The following RFX7 variants were observed in gnomAD, a reference collection of about 807,000 sequenced individuals.
RFX7 encodes regulatory factor X7.
A neutral mutation model predicts 111.8 loss-of-function variants in RFX7; 26 were observed. That is an observed-to-expected ratio of 0.23 (90% CI 0.17 to 0.32). The LOEUF (loss-of-function observed/expected upper bound fraction) is 0.32, where lower values mean the gene tolerates loss of function less well. Among genes scored for constraint, RFX7 ranks in the 10% least tolerant of loss-of-function variants. The pLI, the probability that RFX7 is intolerant of heterozygous loss-of-function variation, is 1.00. For synonymous variants in RFX7, 624 were observed against 624.4 expected (o/e 1.00, Z 0.01); for missense variants, 1,573 against 1,772.9 (o/e 0.89, Z 2.02).
chr15:56,120,597 C>T (rs761481957), intron 5 of RFX7, among the ~76,000 whole-genome samples: 1 of 152,122 alleles, frequency 6.6e-6, no homozygotes, highest in Non-Finnish European at 1.5e-5. Context: ...TCAGTTTTTC[C>T]TCTTTCAGTA....
chr15:56,163,920 T>A (rs2042753801), intron 3 of RFX7, among the ~76,000 whole-genome samples: 1 of 152,138 alleles, frequency 6.6e-6, no homozygotes, highest in South Asian at 2.1e-4. Context: ...ATAATAACCT[T>A]GCCCCCAAAT....
rs189392794 is a variant in RFX7, at chr15:56,182,359, C to T, written c.162-3056G>A. On this transcript the variant is annotated intron_variant, in intron 2 of 9. Coordinates refer to ENST00000559447, the MANE Select transcript of RFX7 (RefSeq NM_022841.7). ...AGATGAGGGCCCTGGAATCACTTAA[C>T]TTAGCCCCTTGATTATTTTTACTTT... Among the ~76,000 whole-genome samples, 268 of 152,194 alleles carry T rather than the reference C, an allele frequency of 1.8e-3. 1 individual carries two copies. Among genetic ancestry groups the T allele is most frequent in the African/African-American group, 6.3e-3 (260 of 41,532 alleles).
At chr15:56,124,356 AG>A (rs2042115453) in intron 5 of RFX7, among the ~76,000 whole-genome samples, 1 of 151,360 alleles carries the variant, frequency 6.6e-6, no homozygotes, top group Admixed American at 6.6e-5. Context: ...CAGGAGGCGG[AG>A]CTTGCAGTGA....
chr15:56,204,899 A>C (rs1232366083), intron 2 of RFX7, among the ~76,000 whole-genome samples: 1 of 152,234 alleles, frequency 6.6e-6, no homozygotes, highest in Non-Finnish European at 1.5e-5. Flanking sequence ...ACAAAGTTTA[A>C]AGAAGTAACT....
intron 5 of RFX7, among the ~76,000 whole-genome samples, chr15:56,141,972 A>G (rs531171752): frequency 1.3e-5 from 2 of 152,192 alleles, no homozygotes; most frequent in South Asian, 2.1e-4. Flanking sequence ...AATAATCTCA[A>G]TAAGTACAAT....
intron 2 of RFX7, among the ~76,000 whole-genome samples, chr15:56,217,705 T>C (rs908996682): frequency 2.6e-5 from 4 of 152,214 alleles, no homozygotes; most frequent in African/African-American, 9.6e-5. Flanking sequence ...CTGAAGTGCA[T>C]GATATGTACA....
Position 56,087,294 on chromosome 15 carries a change from G to C in RFX7, c.*6051C>G. Reference sequence around the variant, plus strand: ...CTCAAAATAAATGTGAGTTAAACCAGAAAGACATTTATTTCTCTCATGTAA... The same window carrying C: ...CTCAAAATAAATGTGAGTTAAACCACAAAGACATTTATTTCTCTCATGTAA... On this transcript the variant is annotated 3_prime_UTR_variant, in exon 10 of 10. Coordinates refer to ENST00000559447, the MANE Select transcript of RFX7 (RefSeq NM_022841.7). 1 of 363,888 alleles carries C rather than the reference G, an allele frequency of 2.7e-6. No individual in the cohort carries two copies. Among genetic ancestry groups the C allele is most frequent in the Non-Finnish European group, 5.5e-6 (1 of 182,754 alleles). The allele number at this position is 363,888 out of a possible 1,614,324, so 22.5% of individuals were successfully genotyped here.
chr15:56,108,389 G>T (rs2041860188), intron 5 of RFX7, among the ~76,000 whole-genome samples: 1 of 152,124 alleles, frequency 6.6e-6, no homozygotes, highest in African/African-American at 2.4e-5. Flanking sequence ...AGCAAGGTTG[G>T]TTCAACATAT....
intron 2 of RFX7, among the ~76,000 whole-genome samples, chr15:56,223,595 T>C (rs1476122324): frequency 6.6e-6 from 1 of 152,140 alleles, no homozygotes; most frequent in Admixed American, 6.5e-5. Context: ...TTAAAATGTA[T>C]CAATTAATTT....
intron 2 of RFX7, among the ~76,000 whole-genome samples, chr15:56,226,916 CA>C (rs1477761144): frequency 6.6e-6 from 1 of 152,106 alleles, no homozygotes; most frequent in African/African-American, 2.4e-5. Flanking sequence ...CATCAAAGAA[CA>C]AAAGGGAGCT....
intron 5 of RFX7, among the ~76,000 whole-genome samples, chr15:56,126,214 C>T (rs559822614): frequency 1.6e-4 from 25 of 152,276 alleles, no homozygotes; most frequent in African/African-American, 5.8e-4. Context: ...CCTAAACTGA[C>T]TCCTCCATAA....
intron 8 of RFX7, 136 bp downstream of exon 8, chr15:56,101,223 G>T: frequency 1.5e-6 from 1 of 675,136 alleles, no homozygotes. Context: ...TCTGAATTTA[G>T]TGTTAAGCGG....
At chr15:56,242,894 C>T (rs1384634726) in intron 2 of RFX7, among the ~76,000 whole-genome samples, 1 of 152,200 alleles carries the variant, frequency 6.6e-6, no homozygotes, top group African/African-American at 2.4e-5. Context: ...TTTATCTGCA[C>T]TCACAATTGA....
At chr15:56,243,978 C>G (rs1185546465), upstream of RFX7, 1 of 150,094 alleles carries the variant, frequency 6.7e-6, no homozygotes, top group Non-Finnish European at 1.5e-5. Context: ...GGGATGGGGG[C>G]GCACGGCGCG....
At chr15:56,145,762 C>T (rs1056716054) in intron 3 of RFX7, among the ~76,000 whole-genome samples, 10 of 152,234 alleles carry the variant, frequency 6.6e-5, no homozygotes, top group Admixed American at 2.6e-4. Context: ...TCTGCCCCAT[C>T]TTCTTCCAGT....
At chr15:56,096,842 A>G (rs751200301) in intron 9 of RFX7, among the ~76,000 whole-genome samples, 2 of 152,234 alleles carry the variant, frequency 1.3e-5, no homozygotes, top group Non-Finnish European at 2.9e-5. Context: ...ATGTAAGAAC[A>G]TTAAGTTACT....
In RFX7 at chr15:56,094,527, A is replaced by G. The variant is rs1413598311; in HGVS notation, c.3201T>C (p.Asn1067=). The G allele has an allele frequency of 6.2e-7, 1 of 1,613,782 alleles. No individual in the cohort carries two copies. The highest frequency in any genetic ancestry group is 1.3e-5 in the African/African-American group (1 of 74,884). Reference sequence around the variant, plus strand: ...ATGAATTACCAACCCCACTATACCCATTATTCATCCATTCAAGCTTGGTTT... The same window carrying G: ...ATGAATTACCAACCCCACTATACCCGTTATTCATCCATTCAAGCTTGGTTT... ...PDKTKLEWMN[N]GYSGVGNSSV... The change falls in exon 10 of 10, where the codon AAT becomes AAC. Residue 1067 remains asparagine, a synonymous_variant. Transcript: ENST00000559447.
chr15:56,186,606 T>G (rs74017484), intron 2 of RFX7, among the ~76,000 whole-genome samples: 1 of 152,116 alleles, frequency 6.6e-6, no homozygotes, highest in Admixed American at 6.5e-5. Context: ...ATACATATAC[T>G]ATATGTATAC....
intron 3 of RFX7, among the ~76,000 whole-genome samples, chr15:56,159,443 G>A (rs1314401387): frequency 6.6e-6 from 1 of 152,176 alleles, no homozygotes; most frequent in Non-Finnish European, 1.5e-5. Context: ...CATCATTGAA[G>A]ATTATGTTAC....
Sources: allele counts gnomAD v4.1 joint callset (sites outside exome capture counted in the v4.1 genomes callset), GRCh38; gene constraint gnomAD v4.1.1; transcripts MANE v1.5; gene names NCBI Gene and HGNC (gene_info 2026-07-23, HGNC 2026-07-21).